Variants in GOLGA6L2 observed in about 807,000 individuals in gnomAD.
GOLGA6L2 encodes golgin subfamily A member 6-like protein 2.
In GOLGA6L2, 30 loss-of-function variants were observed where a neutral mutation model predicts 35.9. That is an observed-to-expected ratio of 0.83 (90% CI 0.62 to 1.13). The LOEUF is 1.13. GOLGA6L2 is among the 50% of genes most tolerant of loss of function. The pLI is 0.00. For missense variants in GOLGA6L2, 821 were observed against 973.4 expected, an observed-to-expected ratio of 0.84 and a Z score of 2.08; for synonymous variants, 297 against 344.0, an observed-to-expected ratio of 0.86 and a Z score of 1.51.
intron 2 of GOLGA6L2, among the ~76,000 whole-genome samples, chr15:23,444,716 G>A (rs531861830): frequency 1.3e-5 from 2 of 152,300 alleles, no homozygotes; most frequent in Admixed American, 1.3e-4. Context: ...TCTGAAACTA[G>A]ATTATCTCAA....
chr15:23,440,716 C>A lies in GOLGA6L2; in HGVS notation c.1759G>T (p.Ala587Ser), dbSNP rs1288442120. Residue 587 changes from alanine (A) to serine (S), a missense_variant, in exon 8 of 8, where the codon GCG becomes TCG. Ala to Ser is a moderately conservative substitution (Grantham distance 99). Around this residue, in one of 7 missense-constraint regions of GOLGA6L2, gnomAD observed 99 missense variants for 199.9 expected, o/e 0.50. Coordinates refer to ENST00000567107, the MANE Select transcript of GOLGA6L2 (RefSeq NM_001304388.2). ...CCCGCATTCTCTCCTCCTTCTCCCG[C>A]AGCCTCTCGTCCTGCTCCCACATCC... ...GEDVGAGREA[A>S]GEGGENAGAE... 1 of 1,503,092 alleles carries A rather than the reference C, an allele frequency of 6.7e-7. No homozygotes were observed. The highest frequency in any genetic ancestry group is 2.6e-5 in the East Asian group (1 of 39,102). The allele number at this position is 1,503,092 out of a possible 1,614,324, so 93.1% of individuals were successfully genotyped here.
Position 23,444,367 on chromosome 15 carries a change from G to A in GOLGA6L2, c.243+104C>T, listed in dbSNP as rs188396412. ...GGGGATGGGGTGGAATCTTGGCGGT[G>A]AGCCTTCTTCCCCAAGCTGGGAGTA... On this transcript the variant is annotated intron_variant, in intron 3 of 7. Transcript: ENST00000567107. The A allele has an allele frequency of 2.3e-4, 333 of 1,478,232 alleles. 1 individual carries two copies. The African/African-American group carries it at 3.9e-3, about 17-fold the overall frequency. The allele number at this position is 1,478,232 out of a possible 1,614,324, so 91.6% of individuals were successfully genotyped here.
Position 23,441,963 on chromosome 15 carries a change from G to T in GOLGA6L2, c.792+16C>A. 1 of 1,541,508 alleles carries T rather than the reference G, an allele frequency of 6.5e-7. No individual in the cohort carries two copies. Among genetic ancestry groups the T allele is most frequent in the Non-Finnish European group, 8.7e-7 (1 of 1,151,064 alleles). On this transcript the variant is annotated intron_variant, in intron 7 of 7. Coordinates refer to ENST00000567107, the MANE Select transcript of GOLGA6L2 (RefSeq NM_001304388.2). ...TGGATGGGTCTCCCACAACCCCTGG[G>T]GCTGCAGCCGCTCACCTGTGGCAGC... is the stretch of plus-strand genomic sequence containing the variant.
In GOLGA6L2 at chr15:23,440,545, C is replaced by A; in HGVS notation, c.1930G>T (p.Gly644Ter). Residue 644 changes from glycine to a stop codon, truncating the protein, a stop_gained, in exon 8 of 8, where the codon GGA (glycine) becomes TGA (stop). Coordinates refer to ENST00000567107, the MANE Select transcript of GOLGA6L2 (RefSeq NM_001304388.2). LOFTEE classifies it low-confidence loss of function (END_TRUNC). ...GAGEEDAGGG[G>*]DDAGAGGEDA... Reference sequence around the variant, plus strand: ...TCTCCTCCTGCTCCCGCATCATCTCCTCCTCCTCCCGCATCTTCTTCTCCC... The same window carrying A: ...TCTCCTCCTGCTCCCGCATCATCTCATCCTCCTCCCGCATCTTCTTCTCCC... 1 of 1,268,734 alleles carries A rather than the reference C, an allele frequency of 7.9e-7. No individual in the cohort carries two copies. The highest frequency in any genetic ancestry group is 1.3e-5 in the South Asian group (1 of 77,800). 78.6% of individuals were successfully genotyped at this position (1,268,734 alleles called of 1,614,324 possible).
rs1438294255 is a variant in GOLGA6L2 at position 23,441,336 on chromosome 15, T to A, written c.1139A>T (p.Glu380Val). Residue 380 changes from glutamate to valine, a missense_variant, in exon 8 of 8, where the codon GAG becomes GTG. Around this residue, in one of 7 missense-constraint regions of GOLGA6L2, gnomAD observed 614 missense variants for 632.3 expected, o/e 0.97. Coordinates refer to ENST00000567107, the MANE Select transcript of GOLGA6L2 (RefSeq NM_001304388.2). ...KMWRQEERLW[E>V]QEKQMREQEQ... ...CTGCTCCCGCATCTGCTTCTCCTGC[T>A]CCCACAGCCTCTCCTCCTGTCTCCA... is the stretch of plus-strand genomic sequence containing the variant. 6.5e-7 allele frequency: 1 copy of A among 1,538,752 alleles called. No homozygotes were observed. Among genetic ancestry groups the A allele is most frequent in the Non-Finnish European group, 8.7e-7 (1 of 1,146,066 alleles).
chr15:23,443,425 C>T (rs1179429463), intron 5 of GOLGA6L2, among the ~76,000 whole-genome samples: 1 of 152,032 alleles, frequency 6.6e-6, no homozygotes, highest in East Asian at 1.9e-4. Flanking sequence ...TATGTGTGTT[C>T]CCTCTCTCTA....
intron 1 of GOLGA6L2, among the ~76,000 whole-genome samples, chr15:23,445,884 C>T (rs369430514): frequency 8.2e-4 from 125 of 152,186 alleles, no homozygotes; most frequent in African/African-American, 3.0e-3. Flanking sequence ...AGAGGACAAC[C>T]CAAGATTCAT....
In GOLGA6L2 at chr15:23,440,978, C is replaced by T. The variant is rs1270645922; in HGVS notation, c.1497G>A (p.Lys499=). 2 of 1,537,488 alleles carry T rather than the reference C, an allele frequency of 1.3e-6. No homozygotes were observed. The highest frequency in any genetic ancestry group is 4.0e-5 in the Admixed American group (2 of 50,174). The change falls in exon 8 of 8, where the codon AAG becomes AAA. Residue 499 remains lysine (K), a synonymous_variant. Coordinates refer to ENST00000567107, the MANE Select transcript of GOLGA6L2 (RefSeq NM_001304388.2). Reference sequence around the variant, plus strand: ...CCTGCATCTTCTCCTGTTCCCACAGCTTCTCCTTCTGTTCCGGCAGCCTCT... The same window carrying T: ...CCTGCATCTTCTCCTGTTCCCACAGTTTCTCCTTCTGTTCCGGCAGCCTCT... ...QQQRLPEQKE[K]LWEQEKMQEQ...
At position 23,441,335 on chromosome 15, in the gene GOLGA6L2, C is replaced by T. The variant is rs773423162; in HGVS notation, c.1140G>A (p.Glu380=). Reference sequence around the variant, plus strand: ...CCTGCTCCCGCATCTGCTTCTCCTGCTCCCACAGCCTCTCCTCCTGTCTCC... The same window carrying T: ...CCTGCTCCCGCATCTGCTTCTCCTGTTCCCACAGCCTCTCCTCCTGTCTCC... ...KMWRQEERLW[E]QEKQMREQEQ... Residue 380 remains glutamate (E), a synonymous_variant, in exon 8 of 8, where the codon GAG becomes GAA. Coordinates refer to ENST00000567107, the MANE Select transcript of GOLGA6L2 (RefSeq NM_001304388.2). The T allele has an allele frequency of 1.9e-6, 3 of 1,539,844 alleles. No individual in the cohort carries two copies. In the East Asian group the frequency reaches 7.4e-5, roughly 38 times the overall value.
chr15:23,447,225 A>T lies in GOLGA6L2; in HGVS notation c.-44T>A, dbSNP rs1425435291. On this transcript the variant is annotated 5_prime_UTR_variant, in exon 1 of 8. Transcript: ENST00000567107. ...GACAAGGATACACCTCCAGTCACGT[A>T]CCACGCAGCTATGTGACTGAGCCAG... is the stretch of plus-strand genomic sequence containing the variant. The T allele has an allele frequency of 9.1e-7, 1 of 1,101,066 alleles. No individual in the cohort carries two copies. The highest frequency in any genetic ancestry group is 2.4e-5 in the East Asian group (1 of 42,294). 68.2% of individuals were successfully genotyped at this position (1,101,066 alleles called of 1,614,324 possible).
chr15:23,439,358 C>A lies in GOLGA6L2; in HGVS notation c.*387G>T, dbSNP rs190980165. ...ACTCCTGACCTCAGGTGATCCACCC[C>A]CTCTAGGTCTCCCAAAGTGCTGCGG... is the stretch of plus-strand genomic sequence containing the variant. On this transcript the variant is annotated 3_prime_UTR_variant, in exon 8 of 8. Transcript: ENST00000567107. 8.7e-6 allele frequency: 3 copies of A among 344,122 alleles called. No homozygotes were observed. Among genetic ancestry groups the A allele is most frequent in the Non-Finnish European group, 1.7e-5 (3 of 179,918 alleles). 21.3% of individuals were successfully genotyped at this position (344,122 alleles called of 1,614,324 possible).
chr15:23,442,607 T>C (rs532914411), intron 5 of GOLGA6L2, 99 bp from the exon 6 acceptor site: 2 of 1,038,916 alleles, frequency 1.9e-6, no homozygotes, highest in East Asian at 5.2e-5. Context: ...TAACACTCCC[T>C]CACTCTCCAT....
Position 23,439,144 on chromosome 15 carries a change from A to G in GOLGA6L2, c.*601T>C, listed in dbSNP as rs948086176. On this transcript the variant is annotated 3_prime_UTR_variant, in exon 8 of 8. Coordinates refer to ENST00000567107, the MANE Select transcript of GOLGA6L2 (RefSeq NM_001304388.2). ...AACATACATAGATATCAGAGTCCTC[A>G]GGTAGAAACTTTTTTTTTTTTTTTG... 1.6e-5 allele frequency among the ~76,000 whole-genome samples: 2 copies of G among 128,474 alleles called. No individual in the cohort carries two copies. Among genetic ancestry groups the G allele is most frequent in the Admixed American group, 9.9e-5 (1 of 10,102 alleles). The allele number at this position is 128,474 out of a possible 152,430, so 84.3% of individuals were successfully genotyped here.
Position 23,441,626 on chromosome 15 carries a change from C to G in GOLGA6L2, c.849G>C (p.Glu283Asp), listed in dbSNP as rs1429162765. Reference sequence around the variant, plus strand: ...CCTGCTTCCGTATCTTCTTTTCCTGCTCCCGTAGCTCCTCCTCCTGCCTCC... The same window carrying G: ...CCTGCTTCCGTATCTTCTTTTCCTGGTCCCGTAGCTCCTCCTCCTGCCTCC... ...EMWRQEEELR[E>D]QEKKIRKQEE... Residue 283 changes from glutamate (E) to aspartate (D), a missense_variant, in exon 8 of 8, where the codon GAG (glutamate) becomes GAC (aspartate). This residue lies in a region of GOLGA6L2 where 614 missense variants were observed against 632.3 expected (regional missense o/e 0.97). Coordinates refer to ENST00000567107, the MANE Select transcript of GOLGA6L2 (RefSeq NM_001304388.2). The G allele has an allele frequency of 6.5e-7, 1 of 1,544,958 alleles. No homozygotes were observed. The highest frequency in any genetic ancestry group is 8.7e-7 in the Non-Finnish European group (1 of 1,144,764).
In GOLGA6L2 at chr15:23,441,278, C is replaced by T; in HGVS notation, c.1197G>A (p.Met399Ile). 5.8e-6 allele frequency: 9 copies of T among 1,539,126 alleles called. No individual in the cohort carries two copies. The highest frequency in any genetic ancestry group is 7.8e-6 in the Non-Finnish European group (9 of 1,146,624). ...EQKMRDQEERMWEQDERLREK... is the reference protein window; with the variant it reads ...EQKMRDQEERIWEQDERLREK... Reference sequence around the variant, plus strand: ...CCCGTAGCCTCTCGTCCTGCTCCCACATCCTCTCCTCTTGGTCCCGCATCT... The same window carrying T: ...CCCGTAGCCTCTCGTCCTGCTCCCATATCCTCTCCTCTTGGTCCCGCATCT... Residue 399 changes from methionine (M) to isoleucine (I), a missense_variant, in exon 8 of 8, where the codon ATG becomes ATA. Transcript: ENST00000567107.
Position 23,443,931 on chromosome 15 carries a change from G to A in GOLGA6L2, c.437C>T (p.Ala146Val). The A allele has an allele frequency of 1.3e-6, 2 of 1,555,286 alleles. No individual in the cohort carries two copies. The highest frequency in any genetic ancestry group is 1.7e-6 in the Non-Finnish European group (2 of 1,156,936). ...PSSFNLALSQ[A>V]FRGSPLGCVS... ...ACAGCCCAAAGGACTCCCCCTAAAG[G>A]CCTGTGAAAGTGCCAGGTTGAAGGA... Residue 146 changes from alanine to valine, a missense_variant, in exon 5 of 8, where the codon GCC becomes GTC. By Grantham distance (64) the Ala-to-Val change is moderately conservative. This residue lies in a region of GOLGA6L2 where 614 missense variants were observed against 632.3 expected (regional missense o/e 0.97). Coordinates refer to ENST00000567107, the MANE Select transcript of GOLGA6L2 (RefSeq NM_001304388.2).
intron 2 of GOLGA6L2, 39 bp from the exon 3 acceptor site, chr15:23,444,539 C>A: frequency 6.3e-7 from 1 of 1,591,910 alleles, no homozygotes; most frequent in Non-Finnish European, 8.5e-7. Context: ...GAGGGTGGCC[C>A]CCTGGACTCT....
At chr15:23,444,576 A>G in intron 2 of GOLGA6L2, 76 bp from the exon 3 acceptor site, 1 of 1,379,528 alleles carries the variant, frequency 7.2e-7, no homozygotes, top group South Asian at 1.2e-5. Flanking sequence ...AGCGGTACGC[A>G]GGGGTCAGGA....
At chr15:23,442,897 C>T (rs12911642) in intron 5 of GOLGA6L2, among the ~76,000 whole-genome samples, 122,644 of 151,764 alleles carry the variant, frequency 0.81, 50,311 homozygotes, top group Middle Eastern at 0.88. Context: ...GGGAAAGAGA[C>T]TGAATTGATA....
Sources: allele counts gnomAD v4.1 joint callset (sites outside exome capture counted in the v4.1 genomes callset), GRCh38; gene constraint gnomAD v4.1.1; regional missense constraint gnomAD v4.1.1; transcripts MANE v1.5; gene names NCBI Gene and HGNC (gene_info 2026-07-23, HGNC 2026-07-21).